Variants in MAP1B observed in about 807,000 individuals in gnomAD.
The protein encoded by MAP1B is microtubule-associated protein 1B.
MAP1B carries 12 observed loss-of-function variants against 176.1 expected under a neutral mutation model. The ratio of observed to expected loss-of-function variants is 0.07; its 90% CI spans 0.04 to 0.11. The LOEUF is 0.11. Among genes scored for constraint, MAP1B ranks in the 10% least tolerant of loss-of-function variants. The pLI is 1.00. For synonymous variants in MAP1B, 1,044 were observed against 1,135.0 expected (o/e 0.92, Z 1.61); for missense variants, 2,523 against 2,990.5 (o/e 0.84, Z 3.65).
chr5:72,186,796 G>A lies in MAP1B; in HGVS notation c.510+42G>A. On this transcript the variant is annotated intron_variant, in intron 4 of 6. Transcript: ENST00000296755. This position sits in a 1 kb window ranked among gnomAD's most constrained non-coding sequence, Gnocchi z 4.3. Reference sequence around the variant, plus strand: ...GAATATCTGTGCTTCTAGTGGCTTGGTTGCCTTAGGTTCCTCTTTGAGAGC... The same window carrying A: ...GAATATCTGTGCTTCTAGTGGCTTGATTGCCTTAGGTTCCTCTTTGAGAGC... 1.2e-6 allele frequency: 2 copies of A among 1,609,146 alleles called. No individual in the cohort carries two copies. Among genetic ancestry groups the A allele is most frequent in the Non-Finnish European group, 1.7e-6 (2 of 1,178,306 alleles).
At chr5:72,174,467 A>G (rs1403107155) in intron 2 of MAP1B, among the ~76,000 whole-genome samples, 1 of 152,234 alleles carries the variant, frequency 6.6e-6, no homozygotes, top group Non-Finnish European at 1.5e-5. Context: ...TCTCTTCTGT[A>G]AAACAAGAGG....
Position 72,196,850 on chromosome 5 carries a change from T to C in MAP1B, c.3495T>C (p.Tyr1165=), listed in dbSNP as rs563670394. ...AGGAATTCGTAAATATCACCAAATA[T>C]GAATCTTCATTGTATTCTCAGGAAT... ...PSQEFVNITK[Y]ESSLYSQEYS... is the part of the protein sequence containing the mutation. Residue 1165 remains tyrosine, a synonymous_variant, in exon 5 of 7, where the codon TAT becomes TAC. Transcript: ENST00000296755. The surrounding 1 kb of genome is among the most constrained non-coding windows in gnomAD (Gnocchi z 5.3). 1.2e-6 allele frequency: 2 copies of C among 1,614,152 alleles called. No homozygotes were observed. The highest frequency in any genetic ancestry group is 8.5e-7 in the Non-Finnish European group (1 of 1,179,994).
Position 72,198,096 on chromosome 5 carries a change from C to T in MAP1B, c.4741C>T (p.Pro1581Ser). Residue 1581 changes from proline to serine, a missense_variant, in exon 5 of 7, where the codon CCA (proline) becomes TCA (serine). Physicochemically the swap from Pro to Ser is moderately conservative, Grantham distance 74. Around this residue, in one of 4 missense-constraint regions of MAP1B, gnomAD observed 1,925 missense variants for 2,126.0 expected, o/e 0.91. Coordinates refer to ENST00000296755, the MANE Select transcript of MAP1B (RefSeq NM_005909.5). Reference sequence around the variant, plus strand: ...ATCTCTGCATGCTGAGGTTGGCTCCCCACATTCCACAGAAGTAGATGACTC... The same window carrying T: ...ATCTCTGCATGCTGAGGTTGGCTCCTCACATTCCACAGAAGTAGATGACTC... ...SPSLHAEVGS[P>S]HSTEVDDSLS... 1.2e-6 allele frequency: 2 copies of T among 1,614,174 alleles called. No individual in the cohort carries two copies. The highest frequency in any genetic ancestry group is 8.5e-7 in the Non-Finnish European group (1 of 1,180,024).
chr5:72,179,289 A>G (rs1445457797), intron 2 of MAP1B, among the ~76,000 whole-genome samples: 1 of 152,100 alleles, frequency 6.6e-6, no homozygotes, highest in Admixed American at 6.5e-5. Context: ...GATGCCGGGG[A>G]AAGTTAACAA....
chr5:72,147,484 G>C (rs571443510), intron 2 of MAP1B, among the ~76,000 whole-genome samples: 2 of 151,826 alleles, frequency 1.3e-5, no homozygotes, highest in African/African-American at 4.8e-5. Flanking sequence ...AAAGAAAGGG[G>C]TCTCTACCCT....
Position 72,205,064 on chromosome 5 carries a change from T to G in MAP1B, c.7252-20T>G, listed in dbSNP as rs1189019296. The G allele has an allele frequency of 6.3e-7, 1 of 1,591,968 alleles. No homozygotes were observed. Among genetic ancestry groups the G allele is most frequent in the Admixed American group, 1.8e-5 (1 of 54,794 alleles). ...CTGTTTCTGCCCTTAAATAGCTATT[T>G]TTTTTTTCTCTCCCTGCAGGTGACA... On this transcript the variant is annotated intron_variant, in intron 6 of 6. Transcript: ENST00000296755.
intron 2 of MAP1B, among the ~76,000 whole-genome samples, chr5:72,119,469 A>G (rs1160687058): frequency 2.0e-5 from 3 of 152,324 alleles, no homozygotes; most frequent in East Asian, 3.9e-4. Context: ...AAAGTTCAGT[A>G]GTTGAGTCTT....
At chr5:72,136,341 A>G (rs1489486569) in intron 2 of MAP1B, among the ~76,000 whole-genome samples, 2 of 152,208 alleles carry the variant, frequency 1.3e-5, no homozygotes, top group Non-Finnish European at 2.9e-5. Flanking sequence ...TACAAACAGG[A>G]AATCAGCAAT....
chr5:72,116,571 G>A (rs918150486), intron 2 of MAP1B: 19 of 276,594 alleles, frequency 6.9e-5, no homozygotes, highest in Middle Eastern at 4.2e-4. Context: ...GACCCATCTC[G>A]TCTTCTTCTT....
At position 72,124,575 on chromosome 5, in the gene MAP1B, T is replaced by C. The variant is rs182968359; in HGVS notation, c.286+8776T>C. Among the ~76,000 whole-genome samples the C allele has an allele frequency of 2.2e-3, 339 of 152,344 alleles. 3 individuals are homozygous for C. Among genetic ancestry groups the C allele is most frequent in the Middle Eastern group, 6.8e-3 (2 of 294 alleles). On this transcript the variant is annotated intron_variant, in intron 2 of 6. Transcript: ENST00000296755. ...TCATTTGAAACACTCAAGCTGAGGTTGCCTCTCAAAATTGCTGCCTTGCAT... is the reference window on the plus strand; with the variant it reads ...TCATTTGAAACACTCAAGCTGAGGTCGCCTCTCAAAATTGCTGCCTTGCAT...
chr5:72,114,690 A>G (rs1745402367), intron 1 of MAP1B, among the ~76,000 whole-genome samples: 1 of 152,186 alleles, frequency 6.6e-6, no homozygotes, highest in Non-Finnish European at 1.5e-5. Context: ...CCTCCCTTCT[A>G]TGATGCTCTC....
intron 4 of MAP1B, among the ~76,000 whole-genome samples, chr5:72,188,688 T>C (rs1312093734): frequency 1.3e-5 from 2 of 152,156 alleles, no homozygotes; most frequent in African/African-American, 4.8e-5. Flanking sequence ...TTTAGCACCA[T>C]GGACTGTGCA....
rs950404299 is a variant in MAP1B at position 72,143,788 on chromosome 5, G to A, written c.286+27989G>A. Reference sequence around the variant, plus strand: ...TTTCTCCTCATTTCTAGTGATTTCTGCCATCCTCCCTCCTTAGCCTCCCAA... The same window carrying A: ...TTTCTCCTCATTTCTAGTGATTTCTACCATCCTCCCTCCTTAGCCTCCCAA... On this transcript the variant is annotated intron_variant, in intron 2 of 6. Coordinates refer to ENST00000296755, the MANE Select transcript of MAP1B (RefSeq NM_005909.5). Among the ~76,000 whole-genome samples the A allele has an allele frequency of 4.6e-5, 7 of 152,102 alleles. No individual in the cohort carries two copies. In the East Asian group the frequency reaches 1.3e-3, roughly 29 times the overall value.
At chr5:72,158,710 A>G (rs1439327029) in intron 2 of MAP1B, among the ~76,000 whole-genome samples, 1 of 152,202 alleles carries the variant, frequency 6.6e-6, no homozygotes, top group Non-Finnish European at 1.5e-5. Context: ...GGATTGATGT[A>G]ATAAAAAGCT....
At chr5:72,172,693 C>G (rs1243360507) in intron 2 of MAP1B, among the ~76,000 whole-genome samples, 1 of 152,128 alleles carries the variant, frequency 6.6e-6, no homozygotes, top group Non-Finnish European at 1.5e-5. Context: ...ATTACATTTG[C>G]TCCCAAGGGA....
chr5:72,199,644 C>T lies in MAP1B; in HGVS notation c.6289C>T (p.Leu2097Phe). 1 of 1,614,172 alleles carries T rather than the reference C, an allele frequency of 6.2e-7. No individual in the cohort carries two copies. The highest frequency in any genetic ancestry group is 8.5e-7 in the Non-Finnish European group (1 of 1,180,044). The change falls in exon 5 of 7, where the codon CTT becomes TTT. Residue 2097 changes from leucine to phenylalanine, a missense_variant. Physicochemically the swap from Leu to Phe is conservative, Grantham distance 22. Transcript: ENST00000296755. This position sits in a 1 kb window ranked among gnomAD's most constrained non-coding sequence, Gnocchi z 4.2. Reference sequence around the variant, plus strand: ...TGAATACAAGCACCCCAAGACAGAGCTTTCACCCTCTTTCATTAATCCCAA... The same window carrying T: ...TGAATACAAGCACCCCAAGACAGAGTTTTCACCCTCTTTCATTAATCCCAA... ...SCEYKHPKTE[L>F]SPSFINPNPL...
chr5:72,196,391 G>A lies in MAP1B; in HGVS notation c.3036G>A (p.Glu1012=), dbSNP rs1747168395. Residue 1012 remains glutamate (E), a synonymous_variant, in exon 5 of 7, where the codon GAG becomes GAA. Coordinates refer to ENST00000296755, the MANE Select transcript of MAP1B (RefSeq NM_005909.5). This position sits in a 1 kb window ranked among gnomAD's most constrained non-coding sequence, Gnocchi z 5.3. ...TGGATGAGGCCATTGAGAAAGGAGA[G>A]GCTGAACAATCTGAAGAGGAGGCTG... ...EDMDEAIEKG[E]AEQSEEEADE... 2 of 1,613,976 alleles carry A rather than the reference G, an allele frequency of 1.2e-6. No individual in the cohort carries two copies. The highest frequency in any genetic ancestry group is 3.3e-5 in the Admixed American group (2 of 60,008).
At position 72,194,438 on chromosome 5, in the gene MAP1B, A is replaced by G; in HGVS notation, c.1083A>G (p.Val361=). 6.2e-7 allele frequency: 1 copy of G among 1,614,060 alleles called. No homozygotes were observed. Among genetic ancestry groups the G allele is most frequent in the Admixed American group, 1.7e-5 (1 of 60,008 alleles). Residue 361 remains valine, a synonymous_variant, in exon 5 of 7, where the codon GTA becomes GTG. Transcript: ENST00000296755. The surrounding 1 kb of genome is among the most constrained non-coding windows in gnomAD (Gnocchi z 7.2). ...SPDLGVVFLN[V]PENLKNPEPN... is the part of the protein sequence containing the mutation. ...ACTTAGGAGTTGTATTTCTCAATGT[A>G]CCTGAAAATCTCAAAAATCCAGAGC...
At chr5:72,113,639 CAG>C (rs776634071) in intron 1 of MAP1B, among the ~76,000 whole-genome samples, 4 of 152,108 alleles carry the variant, frequency 2.6e-5, no homozygotes, top group Non-Finnish European at 5.9e-5. Context: ...AGAACAAAGA[CAG>C]AAAAATTGTA....
Sources: allele counts gnomAD v4.1 joint callset (sites outside exome capture counted in the v4.1 genomes callset), GRCh38; gene constraint gnomAD v4.1.1; regional missense constraint gnomAD v4.1.1; non-coding constraint Gnocchi (gnomAD v3.1); transcripts MANE v1.5; gene names NCBI Gene and HGNC (gene_info 2026-07-23, HGNC 2026-07-21).